The following HDAC9 variants were observed in gnomAD, a reference collection of about 807,000 sequenced individuals.
The protein encoded by HDAC9 is MEF-2 interacting transcription repressor (MITR) protein.
In HDAC9, 41 loss-of-function variants were observed where a neutral mutation model predicts 139.4. The observed-to-expected ratio is 0.29, with a 90% CI of 0.23 to 0.38. The LOEUF is 0.38. Among genes scored for constraint, HDAC9 ranks in the 10% least tolerant of loss-of-function variants. HDAC9 has a pLI of 1.00. For missense variants in HDAC9, 1,147 were observed against 1,297.0 expected, an observed-to-expected ratio of 0.88 and a Z score of 1.78; for synonymous variants, 517 against 476.2, an observed-to-expected ratio of 1.09 and a Z score of -1.12.
At chr7:18,643,197 G>T (rs6950235) in intron 8 of HDAC9, among the ~76,000 whole-genome samples, 10,259 of 152,056 alleles carry the variant, frequency 0.067, 1,100 homozygotes, top group African/African-American at 0.23. Context: ...GCCTTTTTGT[G>T]TACAGCAAGT....
At chr7:18,114,278 C>T (rs371365649) in intron 1 of HDAC9, among the ~76,000 whole-genome samples, 15 of 152,324 alleles carry the variant, frequency 9.8e-5, no homozygotes, top group Admixed American at 5.9e-4. Context: ...ACATCCTTAG[C>T]GGAATTCTTC....
intron 12 of HDAC9, among the ~76,000 whole-genome samples, chr7:18,716,106 G>T (rs140318346): frequency 1.3e-5 from 2 of 152,154 alleles, no homozygotes; most frequent in Non-Finnish European, 2.9e-5. Context: ...TTATTCAAAC[G>T]AAACCTCTTT....
chr7:18,431,405 T>C lies in HDAC9; in HGVS notation c.-41-64857T>C, dbSNP rs150052487. Among the ~76,000 whole-genome samples the C allele has an allele frequency of 2.0e-3, 304 of 152,342 alleles. 1 individual carries two copies. Among genetic ancestry groups the C allele is most frequent in the African/African-American group, 5.9e-3 (247 of 41,582 alleles). On this transcript the variant is annotated intron_variant, in intron 1 of 3. Transcript: ENST00000413509. Reference sequence around the variant, plus strand: ...AGAACTAGGGAAACGACTGCCATAATGTAGTCACATCATGCCTGTGTAACT... The same window carrying C: ...AGAACTAGGGAAACGACTGCCATAACGTAGTCACATCATGCCTGTGTAACT...
intron 12 of HDAC9, among the ~76,000 whole-genome samples, chr7:18,715,148 G>A (rs1046076344): frequency 6.6e-6 from 1 of 151,996 alleles, no homozygotes; most frequent in African/African-American, 2.4e-5. Flanking sequence ...CTGACCCACA[G>A]TGACAAGTTT....
At chr7:18,542,345 A>C (rs1813270606) in intron 2 of HDAC9, among the ~76,000 whole-genome samples, 1 of 152,178 alleles carries the variant, frequency 6.6e-6, no homozygotes, top group Admixed American at 6.5e-5. Context: ...CCTCATCTCT[A>C]ATATAAATAC....
intron 2 of HDAC9, among the ~76,000 whole-genome samples, chr7:18,506,424 G>A (rs1188061849): frequency 6.6e-6 from 1 of 152,110 alleles, no homozygotes; most frequent in East Asian, 1.9e-4. Context: ...AGAGCTTCTT[G>A]GGGCTGTTGA....
chr7:18,095,629 A>G (rs542156611), intron 1 of HDAC9, among the ~76,000 whole-genome samples: 67 of 152,240 alleles, frequency 4.4e-4, no homozygotes, highest in African/African-American at 1.6e-3. Flanking sequence ...AGGTCTGTAC[A>G]GTATGAGTGT....
chr7:18,093,877 A>ATT (rs1782329832), intron 1 of HDAC9, among the ~76,000 whole-genome samples: 1 of 152,112 alleles, frequency 6.6e-6, no homozygotes, highest in African/African-American at 2.4e-5. Flanking sequence ...ATGTACTTAA[A>ATT]TATCTTCTTT....
chr7:18,701,626 AT>A (rs1402143908), intron 12 of HDAC9, among the ~76,000 whole-genome samples: 2 of 152,234 alleles, frequency 1.3e-5, no homozygotes, highest in African/African-American at 4.8e-5. Context: ...TGTCTTTAAA[AT>A]CAGAACCCAT....
chr7:18,772,692 G>C (rs1015813190), intron 16 of HDAC9, among the ~76,000 whole-genome samples: 1 of 151,882 alleles, frequency 6.6e-6, no homozygotes, highest in Non-Finnish European at 1.5e-5. Flanking sequence ...CTTCCTAACT[G>C]TATCTGGATT....
intron 1 of HDAC9, among the ~76,000 whole-genome samples, chr7:18,478,510 A>G (rs1479742819): frequency 2.0e-5 from 3 of 152,222 alleles, no homozygotes; most frequent in African/African-American, 4.8e-5. Context: ...TTCAGATGCC[A>G]TAGTAATTTC....
chr7:18,446,646 T>C (rs1792322542), intron 1 of HDAC9, among the ~76,000 whole-genome samples: 1 of 152,202 alleles, frequency 6.6e-6, no homozygotes, highest in African/African-American at 2.4e-5. Flanking sequence ...GTTGATATAG[T>C]TTTTTTCAAC....
Position 19,001,224 on chromosome 7 carries a change from C to G in HDAC9, c.*5162C>G, listed in dbSNP as rs1396279938. The stretch of plus-strand genomic sequence containing the variant: ...GATGTCTTTGAGTCAAACCCACAAG[C>G]ATGAACTCTCACCTGAAAGAAAACT... On this transcript the variant is annotated 3_prime_UTR_variant, in exon 26 of 26. Coordinates refer to ENST00000686413, the MANE Select transcript of HDAC9 (RefSeq NM_178425.4). The G allele has an allele frequency of 6.6e-6, 1 of 152,166 alleles. No homozygotes were observed. Among genetic ancestry groups the G allele is most frequent in the African/African-American group, 2.4e-5 (1 of 41,466 alleles). 9.4% of individuals were successfully genotyped at this position (152,166 alleles called of 1,614,324 possible).
intron 21 of HDAC9, among the ~76,000 whole-genome samples, chr7:18,850,906 A>G (rs1357363284): frequency 6.6e-6 from 1 of 152,162 alleles, no homozygotes; most frequent in African/African-American, 2.4e-5. Flanking sequence ...TTTCTTTCAC[A>G]AGGGCACTAA....
intron 17 of HDAC9, among the ~76,000 whole-genome samples, chr7:18,795,036 T>C (rs1486774863): frequency 6.6e-6 from 1 of 151,998 alleles, no homozygotes; most frequent in Non-Finnish European, 1.5e-5. Context: ...GCCAAATATA[T>C]GCACGAAGAT....
chr7:18,218,349 C>T (rs1436067898), intron 2 of HDAC9, among the ~76,000 whole-genome samples: 1 of 152,050 alleles, frequency 6.6e-6, no homozygotes, highest in Non-Finnish European at 1.5e-5. Context: ...AAGGCTGAGG[C>T]ATAAGAACCA....
chr7:18,778,409 C>T (rs948520922), intron 16 of HDAC9, among the ~76,000 whole-genome samples: 10 of 151,998 alleles, frequency 6.6e-5, no homozygotes, highest in African/African-American at 1.9e-4. Context: ...TCATTTCACA[C>T]ACCTACTGAG....
At chr7:18,139,502 C>T (rs1201903377) in intron 1 of HDAC9, among the ~76,000 whole-genome samples, 1 of 152,130 alleles carries the variant, frequency 6.6e-6, no homozygotes, top group African/African-American at 2.4e-5. Context: ...TCTATACACA[C>T]TACGTTTGCT....
chr7:18,731,186 T>C (rs544046713), intron 13 of HDAC9, among the ~76,000 whole-genome samples: 2 of 152,288 alleles, frequency 1.3e-5, no homozygotes, highest in African/African-American at 4.8e-5. Context: ...TCTCAAACCA[T>C]AGTTGAAACT....
Sources: allele counts gnomAD v4.1 joint callset (sites outside exome capture counted in the v4.1 genomes callset), GRCh38; gene constraint gnomAD v4.1.1; transcripts MANE v1.5; gene names NCBI Gene and HGNC (gene_info 2026-07-23, HGNC 2026-07-21).